Variants in ZMAT4 observed in about 807,000 individuals in gnomAD.
The protein encoded by ZMAT4 is zinc finger matrin-type 4, also known as zinc finger matrin-type protein 4.
A neutral mutation model predicts 28.7 loss-of-function variants in ZMAT4; 17 were observed. That is an observed-to-expected ratio of 0.59 (90% confidence interval 0.41 to 0.89). The LOEUF (loss-of-function observed/expected upper bound fraction) is 0.89, where lower values mean the gene tolerates loss of function less well. Among genes scored for constraint, ZMAT4 ranks in the 40% least tolerant of loss-of-function variants. ZMAT4 has a pLI of 0.00. For synonymous variants in ZMAT4, 117 were observed against 109.2 expected (o/e 1.07, Z -0.44); for missense variants, 240 against 283.8 (o/e 0.85, Z 1.11).
intron 2 of ZMAT4, among the ~76,000 whole-genome samples, chr8:40,814,551 G>T (rs1194131497): frequency 6.6e-6 from 1 of 152,130 alleles, no homozygotes; most frequent in African/African-American, 2.4e-5. Context: ...GCTACCAAGG[G>T]TTATCAGGCA....
chr8:40,785,066 C>A (rs1031974614), intron 2 of ZMAT4, among the ~76,000 whole-genome samples: 3 of 152,230 alleles, frequency 2.0e-5, no homozygotes, highest in African/African-American at 7.2e-5. Flanking sequence ...CCCAAGATCA[C>A]GCATTGCATA....
chr8:40,569,793 G>A (rs1426819206), intron 6 of ZMAT4, among the ~76,000 whole-genome samples: 1 of 152,260 alleles, frequency 6.6e-6, no homozygotes, highest in Non-Finnish European at 1.5e-5. Flanking sequence ...GGCCTAGCTG[G>A]ACCCAACTGC....
At chr8:40,862,335 C>G (rs1817523717) in intron 1 of ZMAT4, among the ~76,000 whole-genome samples, 1 of 148,084 alleles carries the variant, frequency 6.8e-6, no homozygotes, top group Admixed American at 6.8e-5. Flanking sequence ...AAACCAAACA[C>G]CGCATATTCT....
At position 40,584,983 on chromosome 8, in the gene ZMAT4, T is replaced by C. The variant is rs540743469; in HGVS notation, c.578-3722A>G. The stretch of plus-strand genomic sequence containing the variant: ...AATCCAATGAGTCCTGCTCCCTGAA[T>C]GTCAGTGTCCTTAGAACTGCCCACA... On this transcript the variant is annotated intron_variant, in intron 5 of 6. Coordinates refer to ENST00000297737, the MANE Select transcript of ZMAT4 (RefSeq NM_024645.3). Among the ~76,000 whole-genome samples, 35 of 152,302 alleles carry C rather than the reference T, an allele frequency of 2.3e-4. 1 individual carries two copies. The Middle Eastern group carries it at 0.014, about 59-fold the overall frequency.
chr8:40,605,317 A>G (rs1805542945), intron 5 of ZMAT4, among the ~76,000 whole-genome samples: 1 of 152,124 alleles, frequency 6.6e-6, no homozygotes. Context: ...TAGGCAGTTA[A>G]TGCTAGAAAC....
chr8:40,881,597 A>G (rs1340563572), intron 1 of ZMAT4, among the ~76,000 whole-genome samples: 1 of 102,316 alleles, frequency 9.8e-6, no homozygotes, highest in Non-Finnish European at 2.1e-5. Flanking sequence ...AAAGAAAGAA[A>G]GAAAAGAAAA....
intron 5 of ZMAT4, among the ~76,000 whole-genome samples, chr8:40,603,297 A>G (rs937233994): frequency 6.6e-6 from 1 of 152,112 alleles, no homozygotes; most frequent in Non-Finnish European, 1.5e-5. Context: ...CTATTTTTAC[A>G]CCAGTACCAT....
chr8:40,722,586 C>T (rs1483413387), intron 3 of ZMAT4, among the ~76,000 whole-genome samples: 8 of 152,302 alleles, frequency 5.3e-5, no homozygotes, highest in African/African-American at 1.7e-4. Flanking sequence ...GATAAAGTCA[C>T]ATTCACATTA....
At chr8:40,881,459 G>GAAAGAAAGAA (rs1283785271) in intron 1 of ZMAT4, among the ~76,000 whole-genome samples, 3 of 137,872 alleles carry the variant, frequency 2.2e-5, no homozygotes, top group African/African-American at 8.2e-5. Flanking sequence ...AAGAAAGAAA[G>GAAAGAAAGAA]AAAGAAAGAA....
intron 1 of ZMAT4, among the ~76,000 whole-genome samples, chr8:40,838,885 C>T (rs870478): frequency 0.53 from 80,301 of 151,882 alleles, 21,700 homozygotes; most frequent in East Asian, 0.75. Flanking sequence ...AATGAGGTCA[C>T]ATTAATGATG....
chr8:40,663,384 T>C (rs747428294), intron 5 of ZMAT4, among the ~76,000 whole-genome samples: 1 of 152,298 alleles, frequency 6.6e-6, no homozygotes, highest in African/African-American at 2.4e-5. Flanking sequence ...AATAAAGATA[T>C]TATCTTCTCC....
At chr8:40,741,991 T>A (rs1273729636) in intron 3 of ZMAT4, among the ~76,000 whole-genome samples, 1 of 152,082 alleles carries the variant, frequency 6.6e-6, no homozygotes, top group African/African-American at 2.4e-5. Flanking sequence ...GTAATCCCAA[T>A]ACTTTGAGAG....
chr8:40,659,502 G>A (rs1015263551), intron 5 of ZMAT4, among the ~76,000 whole-genome samples: 3 of 152,174 alleles, frequency 2.0e-5, no homozygotes, highest in Non-Finnish European at 2.9e-5. Flanking sequence ...CAGAAGTCCA[G>A]GGGTGGTCAA....
chr8:40,594,654 C>T (rs912716010), intron 5 of ZMAT4, among the ~76,000 whole-genome samples: 1 of 152,178 alleles, frequency 6.6e-6, no homozygotes, highest in African/African-American at 2.4e-5. Flanking sequence ...TATTTTTAAT[C>T]AAGATGGTTC....
intron 5 of ZMAT4, among the ~76,000 whole-genome samples, chr8:40,612,816 T>G (rs1343312256): frequency 5.4e-5 from 5 of 93,226 alleles, no homozygotes; most frequent in African/African-American, 9.0e-5. Flanking sequence ...TTTTTGTTTT[T>G]TTTTTTTTTT....
At chr8:40,699,985 A>G (rs1443525205) in intron 3 of ZMAT4, among the ~76,000 whole-genome samples, 1 of 152,232 alleles carries the variant, frequency 6.6e-6, no homozygotes, top group South Asian at 2.1e-4. Context: ...ATCACCATAC[A>G]AAATGACTGA....
chr8:40,755,488 T>TTTTTTTTGAGACAGG (rs2150550358), intron 3 of ZMAT4, among the ~76,000 whole-genome samples: 1 of 152,338 alleles, frequency 6.6e-6, no homozygotes, highest in Admixed American at 6.5e-5. Context: ...GGTCCCACTC[T>TTTTTTTTGAGACAGG]GTCACCCAGG....
At chr8:40,721,945 T>C (rs1811118903) in intron 3 of ZMAT4, among the ~76,000 whole-genome samples, 1 of 151,950 alleles carries the variant, frequency 6.6e-6, no homozygotes, top group Non-Finnish European at 1.5e-5. Context: ...ATTTAATAAA[T>C]TGTGCTGGGA....
At chr8:40,669,951 C>T (rs1446244976) in intron 5 of ZMAT4, among the ~76,000 whole-genome samples, 7 of 152,074 alleles carry the variant, frequency 4.6e-5, no homozygotes, top group Non-Finnish European at 1.0e-4. Flanking sequence ...TTGGAAGACT[C>T]GATACTTTGA....
Sources: gnomAD v4.1 joint callset for allele counts (sites outside exome capture counted in the v4.1 genomes callset) on GRCh38, gnomAD v4.1.1 for gene constraint, MANE v1.5 for transcripts, NCBI Gene and HGNC (gene_info 2026-07-23, HGNC 2026-07-21) for gene names.